LIG3: variants seen among roughly 807,000 people sequenced by gnomAD.
LIG3 encodes the protein ligase II, DNA, ATP-dependent.
A neutral mutation model predicts 110.9 loss-of-function variants in LIG3; 58 were observed. That is an observed-to-expected ratio of 0.52 (90% CI 0.42 to 0.65). The LOEUF is 0.65. LIG3 is among the 30% of genes least tolerant of loss of function. The pLI is 0.00. For synonymous variants in LIG3, 422 were observed against 472.8 expected (o/e 0.89, Z 1.39); for missense variants, 1,094 against 1,273.8 (o/e 0.86, Z 2.15).
In LIG3 at chr17:35,001,537, T is replaced by C. The variant is rs2090842056; in HGVS notation, c.2478+134T>C. On this transcript the variant is annotated intron_variant, in intron 17 of 19. Transcript: ENST00000378526. ...TCCTGAGGCAGAGCAAGGAGGGCAA[T>C]TAGAGAGGGAGACAAACTGCTGCTG... 5 of 923,694 alleles carry C rather than the reference T, an allele frequency of 5.4e-6. No individual in the cohort carries two copies. In the East Asian group the frequency reaches 1.3e-4, roughly 25 times the overall value. 57.2% of individuals were successfully genotyped at this position (923,694 alleles called of 1,614,324 possible).
intron 2 of LIG3, among the ~76,000 whole-genome samples, 199 bp downstream of exon 2, chr17:34,983,751 A>G (rs1008363083): frequency 6.6e-6 from 1 of 152,214 alleles, no homozygotes; most frequent in Non-Finnish European, 1.5e-5. Flanking sequence ...ATCCTGACTC[A>G]GCCTCCCAAG....
intron 3 of LIG3, 146 bp from the exon 4 acceptor site, chr17:34,989,320 A>G (rs1179638520): frequency 5.8e-6 from 4 of 693,304 alleles, no homozygotes; most frequent in East Asian, 2.7e-5. Context: ...TATCTGTAAG[A>G]TGGATATAAT....
In LIG3 at chr17:34,980,632, TACGCGGCGCGGCACGGCGCGGCGGG is replaced by T; in HGVS notation, c.-5+11_-5+35del. The stretch of plus-strand genomic sequence containing the variant: ...GGAGCCGGAGAGGCAGGTGAGGGGC[TACGCGGCGCGGCACGGCGCGGCGGG>T]GCCCGGCGTGGGGAAGGCAGCGGGC... On this transcript the variant is annotated intron_variant, in intron 1 of 19. Coordinates refer to ENST00000378526, the MANE Select transcript of LIG3 (RefSeq NM_013975.4). The T allele has an allele frequency of 7.9e-7, 1 of 1,261,806 alleles. No homozygotes were observed. Among genetic ancestry groups the T allele is most frequent in the Non-Finnish European group, 1.0e-6 (1 of 974,676 alleles). The allele number at this position is 1,261,806 out of a possible 1,614,324, so 78.2% of individuals were successfully genotyped here.
In LIG3 at chr17:34,991,672, G is replaced by A; in HGVS notation, c.1043G>A (p.Gly348Asp). 6.2e-7 allele frequency: 1 copy of A among 1,613,670 alleles called. No homozygotes were observed. Among genetic ancestry groups the A allele is most frequent in the Non-Finnish European group, 8.5e-7 (1 of 1,179,970 alleles). Residue 348 changes from glycine (G) to aspartate (D), a missense_variant and splice_region_variant, in exon 6 of 20, where the codon GGT (glycine) becomes GAT (aspartate). Physicochemically the swap from Gly to Asp is moderately conservative, Grantham distance 94 (BLOSUM62 -1). Transcript: ENST00000378526. ...TGGCATTTTGGTTTTTGGAGACAGGGTGACGTGTCAGAGACAATCAGAGTC... is the reference window on the plus strand; with the variant it reads ...TGGCATTTTGGTTTTTGGAGACAGGATGACGTGTCAGAGACAATCAGAGTC... The part of the protein sequence containing the change: ...PDDMARDLEQ[G>D]DVSETIRVFF...
intron 13 of LIG3, 118 bp downstream of exon 13, chr17:34,998,414 G>C: frequency 9.0e-7 from 1 of 1,105,172 alleles, no homozygotes; most frequent in Non-Finnish European, 1.3e-6. Context: ...GTGGCTGCTG[G>C]GGAAGTGTGG....
In LIG3 at chr17:34,998,639, A is replaced by G. The variant is rs772421902; in HGVS notation, c.2025A>G (p.Lys675=). The part of the protein sequence containing the change: ...TYEPGKRHWL[K]VKKDYLNEGA... ...AGCCTGGGAAGCGGCACTGGCTGAA[A>G]GTGAAGAAAGACTATTTGAACGAGG... The change falls in exon 14 of 20, where the codon AAA becomes AAG. Residue 675 remains lysine (K), a synonymous_variant. Coordinates refer to ENST00000378526, the MANE Select transcript of LIG3 (RefSeq NM_013975.4). The G allele has an allele frequency of 6.2e-7, 1 of 1,614,212 alleles. No individual in the cohort carries two copies. The highest frequency in any genetic ancestry group is 8.5e-7 in the Non-Finnish European group (1 of 1,180,022).
chr17:34,991,531 T>G lies in LIG3; in HGVS notation c.1042-140T>G. On this transcript the variant is annotated intron_variant, in intron 5 of 19. Transcript: ENST00000378526. ...TAGGAATTGTGGATGGGCTAGTGTCTCTAAGAAGTGGGCTAGATATGTTGA... is the reference window on the plus strand; with the variant it reads ...TAGGAATTGTGGATGGGCTAGTGTCGCTAAGAAGTGGGCTAGATATGTTGA... 6.4e-6 allele frequency: 5 copies of G among 780,772 alleles called. No homozygotes were observed. The South Asian group carries it at 8.7e-5, about 14-fold the overall frequency. The allele number at this position is 780,772 out of a possible 1,614,324, so 48.4% of individuals were successfully genotyped here. A position where few individuals can be genotyped will look rare whatever the true frequency, so the allele number is the denominator to read the frequency against.
chr17:34,988,048 C>G (rs1215854487), intron 3 of LIG3, among the ~76,000 whole-genome samples: 1 of 151,728 alleles, frequency 6.6e-6, no homozygotes, highest in East Asian at 1.9e-4. Context: ...AAAAAATTAG[C>G]CGGGCGTGGT....
At chr17:34,986,724 C>T (rs1478582763) in intron 3 of LIG3, among the ~76,000 whole-genome samples, 1 of 152,190 alleles carries the variant, frequency 6.6e-6, no homozygotes, top group African/African-American at 2.4e-5. Context: ...TTACCTGGGC[C>T]AGACAGAGAT....
At position 35,004,591 on chromosome 17, in the gene LIG3, G is replaced by C; in HGVS notation, c.*85G>C. 8.8e-7 allele frequency: 1 copy of C among 1,131,198 alleles called. No individual in the cohort carries two copies. The allele number at this position is 1,131,198 out of a possible 1,614,324, so 70.1% of individuals were successfully genotyped here. The stretch of plus-strand genomic sequence containing the variant: ...CTCAGGCTGGAGGCAGATAGACACA[G>C]TATAGGGGGAATGGGCTTGCTTCTC... On this transcript the variant is annotated 3_prime_UTR_variant, in exon 20 of 20. Transcript: ENST00000378526.
chr17:34,999,565 T>C, intron 15 of LIG3, 116 bp downstream of exon 15: 1 of 1,357,458 alleles, frequency 7.4e-7, no homozygotes, highest in South Asian at 1.4e-5. Context: ...GGTTGCAGCT[T>C]GCTCAGGGGA....
In LIG3 at chr17:34,999,330, A is replaced by G. The variant is rs2090814924; in HGVS notation, c.2137A>G (p.Met713Val). 4 of 1,613,346 alleles carry G rather than the reference A, an allele frequency of 2.5e-6. No homozygotes were observed. The highest frequency in any genetic ancestry group is 1.3e-5 in the African/African-American group (1 of 74,890). ...AGGCGGCATGATGTCAATCTTCCTCATGGGCTGCTACGACCCTGGCAGCCA... is the reference window on the plus strand; with the variant it reads ...AGGCGGCATGATGTCAATCTTCCTCGTGGGCTGCTACGACCCTGGCAGCCA... ...SKGGMMSIFL[M>V]GCYDPGSQKW... The change falls in exon 15 of 20, where the codon ATG (methionine) becomes GTG (valine). Residue 713 changes from methionine (M) to valine (V), a missense_variant. Physicochemically the swap from Met to Val is conservative, Grantham distance 21. Transcript: ENST00000378526.
chr17:34,989,848 A>G (rs944557176), intron 4 of LIG3, 185 bp downstream of exon 4: 8 of 599,002 alleles, frequency 1.3e-5, no homozygotes, highest in Non-Finnish European at 2.3e-5. Context: ...TTTGCACTGT[A>G]CTCCACAAAT....
rs2090882497 is a variant in LIG3 at position 35,004,835 on chromosome 17, A to G, written c.*329A>G. 1.0e-5 allele frequency: 3 copies of G among 290,326 alleles called. No individual in the cohort carries two copies. The highest frequency in any genetic ancestry group is 1.2e-3 in the Middle Eastern group (1 of 854). 18.0% of individuals were successfully genotyped at this position (290,326 alleles called of 1,614,324 possible). A position where few individuals can be genotyped will look rare whatever the true frequency, so the allele number is the denominator to read the frequency against. ...TGTCCTTTCCCCACCTACACCCCCA[A>G]TAATTTCCCTAGAGATTAAGGAGTA... On this transcript the variant is annotated 3_prime_UTR_variant, in exon 20 of 20. Transcript: ENST00000378526.
intron 19 of LIG3, 55 bp downstream of exon 19, chr17:35,002,844 C>G (rs1597804230): frequency 2.5e-6 from 4 of 1,571,524 alleles, no homozygotes; most frequent in African/African-American, 1.3e-5. Context: ...AGGTTGTGTT[C>G]CCAACCTTCT....
chr17:34,999,458 G>A lies in LIG3; in HGVS notation c.2256+9G>A. 6.2e-7 allele frequency: 1 copy of A among 1,613,136 alleles called. No homozygotes were observed. The highest frequency in any genetic ancestry group is 8.5e-7 in the Non-Finnish European group (1 of 1,179,450). On this transcript the variant is annotated intron_variant, in intron 15 of 19. Coordinates refer to ENST00000378526, the MANE Select transcript of LIG3 (RefSeq NM_013975.4). ...TGGTGAAGATCAGCAAGGTGAGGAAGGGACCTGGTTGGCCATGGCCTCTGG... is the reference window on the plus strand; with the variant it reads ...TGGTGAAGATCAGCAAGGTGAGGAAAGGACCTGGTTGGCCATGGCCTCTGG...
chr17:34,998,010 C>A (rs183992345), intron 12 of LIG3, 185 bp downstream of exon 12: 21 of 655,974 alleles, frequency 3.2e-5, no homozygotes, highest in South Asian at 1.1e-4. Flanking sequence ...GCATGGAAAT[C>A]CTTCCTAGGT....
chr17:34,995,968 T>G, intron 9 of LIG3, 96 bp from the exon 10 acceptor site: 1 of 1,474,278 alleles, frequency 6.8e-7, no homozygotes, highest in Non-Finnish European at 9.2e-7. Context: ...CATGTTGTTC[T>G]ATATCCTGTC....
intron 9 of LIG3, among the ~76,000 whole-genome samples, chr17:34,995,251 GT>G (rs1191568118): frequency 6.6e-6 from 1 of 152,154 alleles, no homozygotes. Context: ...CAGGCCATTT[GT>G]TTCATATGTT....
Sources: allele counts gnomAD v4.1 joint callset (sites outside exome capture counted in the v4.1 genomes callset), GRCh38; gene constraint gnomAD v4.1.1; transcripts MANE v1.5; gene names NCBI Gene and HGNC (gene_info 2026-07-23, HGNC 2026-07-21).